Variants in COG6 observed in about 807,000 individuals in gnomAD.
The protein encoded by COG6 is component of oligomeric golgi complex 6.
In COG6, 74 loss-of-function variants were observed where a neutral mutation model predicts 88.8. The observed-to-expected ratio is 0.83, with a 90% CI of 0.69 to 1.01. The LOEUF (loss-of-function observed/expected upper bound fraction) is 1.01, where lower values mean the gene tolerates loss of function less well. Ranked by LOEUF, COG6 falls within the 50% of genes least tolerant of loss-of-function variation. The pLI is 0.00. For missense variants in COG6, 800 were observed against 797.9 expected (o/e 1.00, Z -0.03); for synonymous variants, 286 against 278.7 (o/e 1.03, Z -0.26).
At chr13:39,788,254 A>AT in intron 18 of COG6, 1 of 1,338,216 alleles carries the variant, frequency 7.5e-7, no homozygotes, top group African/African-American at 1.5e-5. Context: ...CTCCCTGTGA[A>AT]TATGCAGGAA....
Position 39,727,492 on chromosome 13 carries a change from A to G in COG6, c.1770A>G (p.Ser590=). The change falls in exon 18 of 19, where the codon TCA becomes TCG. Residue 590 remains serine, a synonymous_variant. Transcript: ENST00000455146. ...AAMVQFDRYL[S]APDNLLIPQL... Reference sequence around the variant, plus strand: ...AGGTTCAGTTTGATCGTTATCTGTCAGCCCCAGACAACCTATTGATACCAC... The same window carrying G: ...AGGTTCAGTTTGATCGTTATCTGTCGGCCCCAGACAACCTATTGATACCAC... The G allele has an allele frequency of 6.2e-7, 1 of 1,613,130 alleles. No homozygotes were observed. Among genetic ancestry groups the G allele is most frequent in the South Asian group, 1.1e-5 (1 of 91,068 alleles).
rs551789080 is a variant in COG6 at position 39,746,206 on chromosome 13, C to T, written c.1827-4740C>T. ...ATGTAACGAACTGGCATGTTGTGCA[C>T]ATGTACCCTAGAACTTAAAGTATCA... is the stretch of plus-strand genomic sequence containing the variant. On this transcript the variant is annotated intron_variant, in intron 18 of 18. Transcript: ENST00000455146. Among the ~76,000 whole-genome samples the T allele has an allele frequency of 9.3e-5, 14 of 151,130 alleles. No individual in the cohort carries two copies. The South Asian group carries it at 2.7e-3, about 30-fold the overall frequency.
At chr13:39,737,404 G>A (rs1262486460) in intron 18 of COG6, among the ~76,000 whole-genome samples, 1 of 151,850 alleles carries the variant, frequency 6.6e-6, no homozygotes, top group Non-Finnish European at 1.5e-5. Flanking sequence ...TCCCTTCAGG[G>A]CAGTGAGTTT....
chr13:39,674,507 C>A (rs183593167), intron 4 of COG6, among the ~76,000 whole-genome samples: 1 of 151,898 alleles, frequency 6.6e-6, no homozygotes, highest in Non-Finnish European at 1.5e-5. Context: ...TTAAGTAGTC[C>A]GTTTATTTTA....
chr13:39,764,659 C>T (rs1426306365), intron 18 of COG6, among the ~76,000 whole-genome samples: 1 of 151,962 alleles, frequency 6.6e-6, no homozygotes, highest in Non-Finnish European at 1.5e-5. Flanking sequence ...TATTTTCAAA[C>T]ATATGAATGT....
At chr13:39,659,029 C>G (rs186489687) in intron 1 of COG6, among the ~76,000 whole-genome samples, 2 of 122,384 alleles carry the variant, frequency 1.6e-5, no homozygotes, top group African/African-American at 5.9e-5. Context: ...GCTTATACTA[C>G]GTAAGTGCAT....
At position 39,655,680 on chromosome 13, in the gene COG6, G is replaced by T. The variant is rs1366409008; in HGVS notation, c.-47G>T. On this transcript the variant is annotated 5_prime_UTR_variant, in exon 1 of 19. Coordinates refer to ENST00000455146, the MANE Select transcript of COG6 (RefSeq NM_020751.3). ...GCGCAATACTCGCGCTGCCTCCGTG[G>T]TCCCTGCCTGGCTGAGGTGGCAGCA... 1.5e-5 allele frequency: 23 copies of T among 1,552,722 alleles called. No individual in the cohort carries two copies. The highest frequency in any genetic ancestry group is 2.4e-5 in the East Asian group (1 of 41,206).
chr13:39,742,195 C>T (rs1166557880), intron 18 of COG6, among the ~76,000 whole-genome samples: 1 of 152,162 alleles, frequency 6.6e-6, no homozygotes, highest in Non-Finnish European at 1.5e-5. Flanking sequence ...ACAGCATCAA[C>T]TAACGGGCAA....
chr13:39,712,427 C>T (rs868421211), intron 13 of COG6, among the ~76,000 whole-genome samples: 10 of 150,986 alleles, frequency 6.6e-5, no homozygotes, highest in Admixed American at 2.0e-4. Context: ...TATTTCAAAA[C>T]AATTGATTAA....
At chr13:39,679,835 G>C (rs1037003513) in intron 6 of COG6, 140 bp from the exon 7 acceptor site, 2 of 681,064 alleles carry the variant, frequency 2.9e-6, no homozygotes, top group African/African-American at 3.6e-5. Context: ...TTATTTAATT[G>C]TAGAAAATTA....
Position 39,752,362 on chromosome 13 carries a change from C to T in COG6, c.*1269C>T, listed in dbSNP as rs1298343576. 4.5e-6 allele frequency: 4 copies of T among 896,774 alleles called. No individual in the cohort carries two copies. Among genetic ancestry groups the T allele is most frequent in the Admixed American group, 3.1e-5 (1 of 32,528 alleles). The allele number at this position is 896,774 out of a possible 1,614,324, so 55.6% of individuals were successfully genotyped here. A position where few individuals can be genotyped will look rare whatever the true frequency, so the allele number is the denominator to read the frequency against. On this transcript the variant is annotated 3_prime_UTR_variant, in exon 19 of 19. Coordinates refer to ENST00000455146, the MANE Select transcript of COG6 (RefSeq NM_020751.3). ...TATCTGAAGTTTATAATTGTTTATA[C>T]CTAATACAGTTCTTTTTGGAGTAAG...
intron 18 of COG6, among the ~76,000 whole-genome samples, chr13:39,749,136 C>A (rs925248029): frequency 4.6e-5 from 7 of 152,118 alleles, no homozygotes; most frequent in African/African-American, 7.2e-5. Context: ...GTACTCTTGA[C>A]TATGTGAAGA....
chr13:39,737,941 A>G (rs1202143749), intron 18 of COG6, among the ~76,000 whole-genome samples: 1 of 152,106 alleles, frequency 6.6e-6, no homozygotes, highest in Non-Finnish European at 1.5e-5. Context: ...GGGCAGCACT[A>G]AATTCCAGTG....
chr13:39,749,091 A>C (rs1002804923), intron 18 of COG6, among the ~76,000 whole-genome samples: 1 of 152,156 alleles, frequency 6.6e-6, no homozygotes, highest in East Asian at 1.9e-4. Context: ...TATTACTGCT[A>C]TAACTATTAC....
At chr13:39,708,477 T>G (rs991463948) in intron 13 of COG6, among the ~76,000 whole-genome samples, 57 of 152,194 alleles carry the variant, frequency 3.7e-4, no homozygotes, top group African/African-American at 1.4e-3. Context: ...CATGAGGACA[T>G]TCTTCTGTAT....
At chr13:39,753,700 T>C (rs936139488), downstream of COG6, among the ~76,000 whole-genome samples, 18 of 152,156 alleles carry the variant, frequency 1.2e-4, no homozygotes, top group African/African-American at 3.9e-4. Context: ...CTCATCTTCT[T>C]ATTAGATCCT....
At chr13:39,707,459 A>C (rs1878003717) in intron 13 of COG6, among the ~76,000 whole-genome samples, 1 of 152,126 alleles carries the variant, frequency 6.6e-6, no homozygotes, top group Non-Finnish European at 1.5e-5. Flanking sequence ...TATAGTACCC[A>C]AGTCTAAAGT....
intron 12 of COG6, among the ~76,000 whole-genome samples, chr13:39,698,055 A>G (rs1230470988): frequency 2.0e-5 from 3 of 151,996 alleles, no homozygotes; most frequent in Non-Finnish European, 2.9e-5. Context: ...AGAAATATGG[A>G]ATGAAATGTC....
intron 18 of COG6, among the ~76,000 whole-genome samples, chr13:39,770,941 A>G (rs1267693589): frequency 6.6e-6 from 1 of 152,188 alleles, no homozygotes; most frequent in African/African-American, 2.4e-5. Context: ...TGTTTCTACA[A>G]GACCTCACTT....
Sources: gnomAD v4.1 joint callset for allele counts (sites outside exome capture counted in the v4.1 genomes callset) on GRCh38, gnomAD v4.1.1 for gene constraint, MANE v1.5 for transcripts, NCBI Gene and HGNC (gene_info 2026-07-23, HGNC 2026-07-21) for gene names.